ECT2L: variants seen among roughly 807,000 people sequenced by gnomAD.
ECT2L encodes the protein epithelial cell-transforming sequence 2 oncogene-like.
In ECT2L, 126 loss-of-function variants were observed where a neutral mutation model predicts 122.8. The ratio of observed to expected loss-of-function variants is 1.03; its 90% CI spans 0.89 to 1.19. The LOEUF is 1.19. ECT2L is among the 50% of genes most tolerant of loss of function. The pLI, the probability that ECT2L is intolerant of heterozygous loss-of-function variation, is 0.00. For synonymous variants in ECT2L, 385 were observed against 381.8 expected, an observed-to-expected ratio of 1.01 and a Z score of -0.10; for missense variants, 1,012 against 1,064.1, an observed-to-expected ratio of 0.95 and a Z score of 0.68.
intron 11 of ECT2L, among the ~76,000 whole-genome samples, chr6:138,863,353 C>A (rs1272939801): frequency 6.6e-6 from 1 of 152,210 alleles, no homozygotes; most frequent in Non-Finnish European, 1.5e-5. Flanking sequence ...CATTGCTTCT[C>A]TACTCCTAAA....
At chr6:138,882,971 C>A in intron 16 of ECT2L, 100 bp downstream of exon 16, 2 of 1,257,630 alleles carry the variant, frequency 1.6e-6, no homozygotes, top group Non-Finnish European at 2.2e-6. Flanking sequence ...GGCTTCTCTG[C>A]TCTTAGCTCC....
chr6:138,844,792 GTTC>G (rs1777164324), intron 7 of ECT2L, among the ~76,000 whole-genome samples: 1 of 114,674 alleles, frequency 8.7e-6, no homozygotes, highest in Non-Finnish European at 1.7e-5. Flanking sequence ...CATTTTAAAT[GTTC>G]TTTTTTTTTT....
intron 20 of ECT2L, among the ~76,000 whole-genome samples, chr6:138,892,394 T>G (rs1447835606): frequency 6.6e-6 from 1 of 152,216 alleles, no homozygotes; most frequent in Admixed American, 6.5e-5. Context: ...TTAATCATAT[T>G]TAAGTTTCTG....
chr6:138,881,017 C>CA lies in ECT2L; in HGVS notation c.1727dup (p.Ser577GlufsTer2). 1 of 1,614,128 alleles carries CA rather than the reference C, an allele frequency of 6.2e-7. No homozygotes were observed. The highest frequency in any genetic ancestry group is 1.7e-5 in the Admixed American group (1 of 60,024). On this transcript the variant is annotated frameshift_variant, in exon 15 of 22. Transcript: ENST00000541398. LOFTEE classifies it high-confidence loss of function. Reference sequence around the variant, plus strand: ...AGCTAGAGTTGTCAGAGAACTCTTACAGAGTGAGAGAAAATACGTGCAGAT... The same window carrying CA: ...AGCTAGAGTTGTCAGAGAACTCTTACAAGAGTGAGAGAAAATACGTGCAGAT...
chr6:138,869,678 C>T lies in ECT2L; in HGVS notation c.1578+1472C>T, dbSNP rs962061829. Among the ~76,000 whole-genome samples the T allele has an allele frequency of 2.6e-5, 4 of 152,052 alleles. No homozygotes were observed. In the East Asian group the frequency reaches 5.8e-4, roughly 22 times the overall value. On this transcript the variant is annotated intron_variant, in intron 13 of 21. Transcript: ENST00000541398. Reference sequence around the variant, plus strand: ...TGTCAGTTCAGTGTACTTATTTCCACCTAATTATTTAAAAATAACCATGTA... The same window carrying T: ...TGTCAGTTCAGTGTACTTATTTCCATCTAATTATTTAAAAATAACCATGTA...
At position 138,892,502 on chromosome 6, in the gene ECT2L, A is replaced by AT. The variant is rs1230569097; in HGVS notation, c.2414+3478dup. The stretch of plus-strand genomic sequence containing the variant: ...ATTTTGCCTCTTAGTACCCCTTATA[A>AT]TTTTTTTGAAACAGAGTGTGTCACT... On this transcript the variant is annotated intron_variant, in intron 20 of 21. Transcript: ENST00000541398. Among the ~76,000 whole-genome samples, 9 of 151,834 alleles carry AT rather than the reference A, an allele frequency of 5.9e-5. No homozygotes were observed. In the South Asian group the frequency reaches 1.7e-3, roughly 28 times the overall value.
chr6:138,826,677 C>A (rs1461299751), intron 4 of ECT2L, among the ~76,000 whole-genome samples: 2 of 151,966 alleles, frequency 1.3e-5, no homozygotes, highest in African/African-American at 4.8e-5. Flanking sequence ...AAAAGAAAAC[C>A]AAACTACACT....
At chr6:138,867,525 G>C (rs912595322) in intron 12 of ECT2L, among the ~76,000 whole-genome samples, 1 of 151,670 alleles carries the variant, frequency 6.6e-6, no homozygotes, top group Non-Finnish European at 1.5e-5. Flanking sequence ...AAGTTAAAAA[G>C]TTGGCTGGCT....
At chr6:138,803,063 A>T (rs950838555) in intron 1 of ECT2L, among the ~76,000 whole-genome samples, 1 of 124,522 alleles carries the variant, frequency 8.0e-6, no homozygotes, top group Non-Finnish European at 1.6e-5. Context: ...GGCGACACAG[A>T]GAGAGACTGT....
At chr6:138,813,389 T>C (rs1206488740) in intron 3 of ECT2L, 49 bp downstream of exon 3, 1 of 1,435,594 alleles carries the variant, frequency 7.0e-7, no homozygotes, top group Non-Finnish European at 9.6e-7. Flanking sequence ...TAAGGTTAAT[T>C]TTCCTGTGAT....
chr6:138,892,540 C>T (rs754838384), intron 20 of ECT2L, among the ~76,000 whole-genome samples: 1 of 152,154 alleles, frequency 6.6e-6, no homozygotes, highest in Non-Finnish European at 1.5e-5. Context: ...GTCACCCAGG[C>T]TGGAGTGCAG....
intron 15 of ECT2L, 104 bp downstream of exon 15, chr6:138,881,275 C>G: frequency 1.8e-6 from 2 of 1,116,754 alleles, no homozygotes; most frequent in Non-Finnish European, 2.6e-6. Flanking sequence ...TGCTCTGACC[C>G]TCTTAGGGAC....
At chr6:138,827,207 G>A (rs1472630663) in intron 4 of ECT2L, among the ~76,000 whole-genome samples, 1 of 152,104 alleles carries the variant, frequency 6.6e-6, no homozygotes, top group African/African-American at 2.4e-5. Flanking sequence ...AATTAGCCAG[G>A]TGTGGTGGCG....
intron 4 of ECT2L, among the ~76,000 whole-genome samples, chr6:138,833,701 C>CT (rs1438905277): frequency 6.6e-6 from 1 of 152,066 alleles, no homozygotes; most frequent in African/African-American, 2.4e-5. Flanking sequence ...GCTCAGGAGG[C>CT]TGAGACAGGA....
At chr6:138,898,717 TA>T (rs906345302) in intron 20 of ECT2L, among the ~76,000 whole-genome samples, 1 of 152,314 alleles carries the variant, frequency 6.6e-6, no homozygotes, top group Non-Finnish European at 1.5e-5. Context: ...AAGTGAGTTA[TA>T]AATATGAATT....
chr6:138,824,032 T>C (rs930585341), intron 4 of ECT2L, among the ~76,000 whole-genome samples: 47 of 150,242 alleles, frequency 3.1e-4, no homozygotes, highest in Non-Finnish European at 4.1e-4. Context: ...GTAACAGGCA[T>C]AAGTGAATAA....
rs115475793 is a variant in ECT2L, at chr6:138,831,027, C to T, written c.180-7325C>T. Among the ~76,000 whole-genome samples the T allele has an allele frequency of 3.7e-3, 556 of 152,300 alleles. 3 individuals carry two copies. The highest frequency in any genetic ancestry group is 0.012 in the African/African-American group (510 of 41,570). On this transcript the variant is annotated intron_variant, in intron 4 of 21. Transcript: ENST00000541398. The stretch of plus-strand genomic sequence containing the variant: ...ACCAACATGTCCAAGTATATACAAT[C>T]GTCGTAAGCACAATGTGACTATATT...
chr6:138,823,172 T>C, intron 4 of ECT2L: 1 of 1,433,550 alleles, frequency 7.0e-7, no homozygotes, highest in African/African-American at 1.5e-5. Context: ...TGGCAGTAAC[T>C]AATGTCCCCA....
intron 13 of ECT2L, 50 bp from the exon 14 acceptor site, chr6:138,876,422 A>C: frequency 7.4e-7 from 1 of 1,349,654 alleles, no homozygotes; most frequent in Admixed American, 1.7e-5. Flanking sequence ...CTGAGTTTTC[A>C]GAGATGTCAA....
Sources: allele counts gnomAD v4.1 joint callset (sites outside exome capture counted in the v4.1 genomes callset), GRCh38; gene constraint gnomAD v4.1.1; transcripts MANE v1.5; gene names NCBI Gene and HGNC (gene_info 2026-07-23, HGNC 2026-07-21).